The following IL6ST variants were observed in gnomAD, a reference collection of about 807,000 sequenced individuals.
The protein encoded by IL6ST is interleukin 6 cytokine family signal transducer, also known as interleukin-6 receptor subunit beta.
In IL6ST, 24 loss-of-function variants were observed where a neutral mutation model predicts 91.3. The observed-to-expected ratio is 0.26, with a 90% confidence interval of 0.19 to 0.37. The LOEUF (loss-of-function observed/expected upper bound fraction) is 0.37. Ranked by LOEUF, IL6ST falls within the 10% of genes least tolerant of loss-of-function variation. The pLI is 1.00. For synonymous variants in IL6ST, 351 were observed against 373.6 expected (o/e 0.94, Z 0.70); for missense variants, 914 against 1,078.5 (o/e 0.85, Z 2.14).
chr5:55,990,509 T>G (rs1455449699), intron 1 of IL6ST, among the ~76,000 whole-genome samples: 2 of 152,204 alleles, frequency 1.3e-5, no homozygotes, highest in South Asian at 4.1e-4. Flanking sequence ...TACCCAAAGA[T>G]AAAGTACTGG....
intron 15 of IL6ST, among the ~76,000 whole-genome samples, chr5:55,945,964 C>CA (rs1417280906): frequency 2.0e-5 from 3 of 151,582 alleles, no homozygotes; most frequent in Non-Finnish European, 4.4e-5. Flanking sequence ...ACAGTTAAGA[C>CA]AAAAAAACAA....
intron 3 of IL6ST, among the ~76,000 whole-genome samples, chr5:55,971,122 T>C (rs189421197): frequency 2.9e-4 from 44 of 152,314 alleles, no homozygotes; most frequent in Non-Finnish European, 3.2e-4. Flanking sequence ...TGTCCAAAAC[T>C]ATTATGTATC....
Position 55,941,475 on chromosome 5 carries a change from A to C in IL6ST, c.2364T>G (p.Asp788Glu), listed in dbSNP as rs1580779700. The change falls in exon 17 of 17, where the codon GAT (aspartate) becomes GAG (glutamate). Residue 788 changes from aspartate to glutamate, a missense_variant. Physicochemically the swap from Asp to Glu is conservative, Grantham distance 45 (BLOSUM62 2). Transcript: ENST00000381298. ...GTAGATCTTCTGGCCGCTCCTCTGAATCTAACAAGGGCTGGGTAGACTCGG... is the reference window on the plus strand; with the variant it reads ...GTAGATCTTCTGGCCGCTCCTCTGACTCTAACAAGGGCTGGGTAGACTCGG... ...SRSESTQPLL[D>E]SEERPEDLQL... 2 of 1,614,080 alleles carry C rather than the reference A, an allele frequency of 1.2e-6. No homozygotes were observed. Among genetic ancestry groups the C allele is most frequent in the Non-Finnish European group, 1.7e-6 (2 of 1,179,984 alleles).
intron 9 of IL6ST, 83 bp from the exon 10 acceptor site, chr5:55,956,318 G>T (rs2111715067): frequency 1.4e-6 from 1 of 739,164 alleles, no homozygotes. Context: ...CACAAATCAT[G>T]CCATTATGTC....
intron 3 of IL6ST, among the ~76,000 whole-genome samples, chr5:55,971,713 T>C (rs1219996791): frequency 6.6e-6 from 1 of 152,144 alleles, no homozygotes; most frequent in African/African-American, 2.4e-5. Context: ...TCCCAGCTAC[T>C]TGGGGGTGAG....
At chr5:55,952,991 G>A (rs1349958359) in intron 11 of IL6ST, among the ~76,000 whole-genome samples, 1 of 152,030 alleles carries the variant, frequency 6.6e-6, no homozygotes, top group Admixed American at 6.6e-5. Context: ...AACCCAGGAG[G>A]CGGAGCTTGC....
chr5:55,959,700 T>C, intron 8 of IL6ST: 1 of 1,173,168 alleles, frequency 8.5e-7, no homozygotes, highest in Non-Finnish European at 1.1e-6. Flanking sequence ...ATAAAAGGTA[T>C]AATACAAGTA....
At chr5:55,964,349 C>A in intron 5 of IL6ST, 37 bp from the exon 6 acceptor site, 1 of 1,491,244 alleles carries the variant, frequency 6.7e-7, no homozygotes, top group South Asian at 1.2e-5. Flanking sequence ...TCATTAAAAA[C>A]ACATCTGAAA....
In IL6ST at chr5:55,937,709, C is replaced by G. The variant is rs939500358; in HGVS notation, c.*3373G>C. The G allele has an allele frequency of 7.7e-5, 15 of 195,284 alleles. No individual in the cohort carries two copies. Among genetic ancestry groups the G allele is most frequent in the Non-Finnish European group, 1.4e-4 (13 of 93,994 alleles). The allele number at this position is 195,284 out of a possible 1,614,324, so 12.1% of individuals were successfully genotyped here. A position where few individuals can be genotyped will look rare whatever the true frequency, so the allele number is the denominator to read the frequency against. ...TCAGCACAATATAATCTAACAATAC[C>G]TGTAATAGAAAGCTATCCCAGTAAA... On this transcript the variant is annotated 3_prime_UTR_variant, in exon 17 of 17. Coordinates refer to ENST00000381298, the MANE Select transcript of IL6ST (RefSeq NM_002184.4).
chr5:55,945,993 A>C (rs1751227075), intron 15 of IL6ST, among the ~76,000 whole-genome samples: 1 of 152,152 alleles, frequency 6.6e-6, no homozygotes, highest in Non-Finnish European at 1.5e-5. Flanking sequence ...CTGGGACAAA[A>C]GTTTGCAAAA....
At chr5:55,993,492 C>T (rs950284266) in intron 1 of IL6ST, among the ~76,000 whole-genome samples, 3 of 152,090 alleles carry the variant, frequency 2.0e-5, no homozygotes, top group African/African-American at 4.8e-5. Flanking sequence ...TTTTTAGTTA[C>T]GTAAGACTAT....
chr5:55,948,607 T>C (rs1045143872), intron 14 of IL6ST, among the ~76,000 whole-genome samples: 2 of 152,086 alleles, frequency 1.3e-5, no homozygotes, highest in African/African-American at 2.4e-5. Flanking sequence ...TGTGTATATA[T>C]ATATTGATAT....
At chr5:55,967,429 T>C (rs1345791545) in intron 5 of IL6ST, among the ~76,000 whole-genome samples, 1 of 151,110 alleles carries the variant, frequency 6.6e-6, no homozygotes, top group African/African-American at 2.4e-5. Flanking sequence ...GAACCTATAA[T>C]TTAAGAGACA....
At chr5:55,966,671 A>AT (rs1390165593) in intron 5 of IL6ST, among the ~76,000 whole-genome samples, 13 of 152,196 alleles carry the variant, frequency 8.5e-5, no homozygotes, top group African/African-American at 3.1e-4. Context: ...AAAGAGATAG[A>AT]TTGAGAGATG....
chr5:55,940,615 T>TTAAG lies in IL6ST; in HGVS notation c.*463_*466dup, dbSNP rs1174704258. ...GTAGTTATGGCCTATGGACCTCTTT[T>TTAAG]TAAGTTATTTTAGCAGAAGTAGATG... On this transcript the variant is annotated 3_prime_UTR_variant, in exon 17 of 17. Transcript: ENST00000381298. 2.8e-5 allele frequency: 6 copies of TTAAG among 216,738 alleles called. No individual in the cohort carries two copies. The highest frequency in any genetic ancestry group is 9.0e-5 in the African/African-American group (4 of 44,244). The allele number at this position is 216,738 out of a possible 1,614,324, so 13.4% of individuals were successfully genotyped here. A position where few individuals can be genotyped will look rare whatever the true frequency, so the allele number is the denominator to read the frequency against.
rs539735402 is a variant in IL6ST, at chr5:55,952,029, G to A, written c.1599C>T (p.Asn533=). ...PTVRTKKVGK[N]EAVLEWDQLP... ...GTTGGTCCCACTCTAAGACAGCTTC[G>A]TTTTTCCCTACTTTTTTTGTCCGAA... The change falls in exon 13 of 17, where the codon AAC becomes AAT. Residue 533 remains asparagine (N), a synonymous_variant. Coordinates refer to ENST00000381298, the MANE Select transcript of IL6ST (RefSeq NM_002184.4). 37 of 1,613,098 alleles carry A rather than the reference G, an allele frequency of 2.3e-5. No individual in the cohort carries two copies. Among genetic ancestry groups the A allele is most frequent in the East Asian group, 1.3e-4 (6 of 44,834 alleles).
rs1750478679 is a variant in IL6ST at position 55,935,714 on chromosome 5, G to T, written c.*5368C>A. 1 of 217,476 alleles carries T rather than the reference G, an allele frequency of 4.6e-6. No individual in the cohort carries two copies. The highest frequency in any genetic ancestry group is 9.2e-6 in the Non-Finnish European group (1 of 108,378). 13.5% of individuals were successfully genotyped at this position (217,476 alleles called of 1,614,324 possible). Reference sequence around the variant, plus strand: ...AGTATGGAAGAGCCTATACGCAGTTGTAATATATTTCGTATTTTGAAAGTG... The same window carrying T: ...AGTATGGAAGAGCCTATACGCAGTTTTAATATATTTCGTATTTTGAAAGTG... On this transcript the variant is annotated 3_prime_UTR_variant, in exon 17 of 17. Transcript: ENST00000381298.
chr5:55,941,120 G>T lies in IL6ST; in HGVS notation c.2719C>A (p.Pro907Thr). Residue 907 changes from proline to threonine, a missense_variant, in exon 17 of 17, where the codon CCA (proline) becomes ACA (threonine). Transcript: ENST00000381298. ...TAGCCGCCTTGCCGTACAGTCTGTG[G>T]TAAGTAACTTTTAGGCATGCCTTCA... ...TDEGMPKSYL[P>T]QTVRQGGYMP... 6.2e-7 allele frequency: 1 copy of T among 1,613,992 alleles called. No homozygotes were observed. Among genetic ancestry groups the T allele is most frequent in the African/African-American group, 1.3e-5 (1 of 75,038 alleles).
intron 15 of IL6ST, 32 bp downstream of exon 15, chr5:55,947,461 G>T: frequency 8.3e-7 from 1 of 1,210,896 alleles, no homozygotes; most frequent in Non-Finnish European, 1.2e-6. Context: ...AAAGCTGGGG[G>T]AAAATGCAAA....
Sources: allele counts gnomAD v4.1 joint callset (sites outside exome capture counted in the v4.1 genomes callset), GRCh38; gene constraint gnomAD v4.1.1; transcripts MANE v1.5; gene names NCBI Gene and HGNC (gene_info 2026-07-23, HGNC 2026-07-21).